NAA16: variants seen among roughly 807,000 people sequenced by gnomAD.
NAA16 encodes NARG1-like protein.
A neutral mutation model predicts 110.3 loss-of-function variants in NAA16; 97 were observed. The ratio of observed to expected loss-of-function variants is 0.88; its 90% CI spans 0.75 to 1.04. The LOEUF (loss-of-function observed/expected upper bound fraction) is 1.04, where lower values mean the gene tolerates loss of function less well. NAA16 is among the 50% of genes least tolerant of loss of function. The probability of loss-of-function intolerance (pLI) is 0.00; values close to 1 mark genes in which losing one functional copy is unlikely to be tolerated. For missense variants in NAA16, 1,017 were observed against 1,005.1 expected, an observed-to-expected ratio of 1.01 and a Z score of -0.16; for synonymous variants, 372 against 330.6, an observed-to-expected ratio of 1.13 and a Z score of -1.36.
chr13:41,335,796 A>G (rs1266919540), intron 8 of NAA16, among the ~76,000 whole-genome samples: 1 of 152,066 alleles, frequency 6.6e-6, no homozygotes, highest in Non-Finnish European at 1.5e-5. Flanking sequence ...TGATTCATTA[A>G]GAAACCATAG....
intron 4 of NAA16, 57 bp downstream of exon 4, chr13:41,320,881 T>A: frequency 6.8e-7 from 1 of 1,478,970 alleles, no homozygotes; most frequent in Non-Finnish European, 9.1e-7. Flanking sequence ...TTTAAGAGCG[T>A]GTCATTTCAG....
At chr13:41,365,267 T>C (rs988348470) in intron 13 of NAA16, among the ~76,000 whole-genome samples, 3 of 152,184 alleles carry the variant, frequency 2.0e-5, no homozygotes, top group Non-Finnish European at 4.4e-5. Flanking sequence ...CTTAGGGTAG[T>C]GGTTACATGA....
chr13:41,332,640 T>C (rs1231033734), intron 8 of NAA16, among the ~76,000 whole-genome samples: 3 of 152,208 alleles, frequency 2.0e-5, no homozygotes, highest in African/African-American at 7.2e-5. Flanking sequence ...GTATTTCTTT[T>C]GACACAAGTC....
intron 8 of NAA16, among the ~76,000 whole-genome samples, chr13:41,333,885 C>T (rs997428124): frequency 6.6e-6 from 1 of 151,578 alleles, no homozygotes; most frequent in East Asian, 1.9e-4. Context: ...TAAAGTGGAA[C>T]CATCCTAGAC....
intron 4 of NAA16, 138 bp downstream of exon 4, chr13:41,320,962 T>G (rs913885676): frequency 1.1e-4 from 77 of 704,614 alleles, no homozygotes; most frequent in Non-Finnish European, 2.2e-5. Context: ...GCTTGGGACC[T>G]TCCTTCTCAG....
intron 9 of NAA16, among the ~76,000 whole-genome samples, chr13:41,337,692 T>C (rs2042418496): frequency 6.6e-6 from 1 of 152,328 alleles, no homozygotes; most frequent in Non-Finnish European, 1.5e-5. Flanking sequence ...TTTTCTATAG[T>C]CAGTTTTTTA....
chr13:41,346,442 A>C (rs983552983), intron 9 of NAA16, among the ~76,000 whole-genome samples: 9 of 152,246 alleles, frequency 5.9e-5, no homozygotes, highest in South Asian at 2.1e-4. Flanking sequence ...ACAGTTTATC[A>C]CACAGGTCCT....
intron 5 of NAA16, 135 bp downstream of exon 5, chr13:41,323,325 G>T: frequency 2.6e-6 from 2 of 777,696 alleles, no homozygotes; most frequent in Non-Finnish European, 2.1e-6. Flanking sequence ...ATTGGAAACA[G>T]TTAAAATGTA....
intron 10 of NAA16, 38 bp downstream of exon 10, chr13:41,355,254 C>A: frequency 7.9e-7 from 1 of 1,260,740 alleles, no homozygotes. Flanking sequence ...TTTGATTACT[C>A]ATTTCATTTT....
Position 41,371,953 on chromosome 13 carries a change from T to C in NAA16, c.1948-250T>C, listed in dbSNP as rs149619958. ...ATCTCTTTAAGTCTGTGGAATAACT[T>C]TATGTATTTTTTTGTTTTTAATAAA... On this transcript the variant is annotated intron_variant, in intron 15 of 19. Coordinates refer to ENST00000379406, the MANE Select transcript of NAA16 (RefSeq NM_024561.5). 6.8e-3 allele frequency among the ~76,000 whole-genome samples: 1,041 copies of C among 152,342 alleles called. 14 individuals are homozygous for C. Among genetic ancestry groups the C allele is most frequent in the African/African-American group, 0.024 (992 of 41,588 alleles).
chr13:41,364,211 G>T (rs1361166890), intron 13 of NAA16, among the ~76,000 whole-genome samples: 1 of 152,052 alleles, frequency 6.6e-6, no homozygotes, highest in Non-Finnish European at 1.5e-5. Flanking sequence ...TAAATAGAAG[G>T]TTAGTGAATT....
intron 1 of NAA16, among the ~76,000 whole-genome samples, chr13:41,315,175 A>C (rs943636511): frequency 9.2e-5 from 14 of 152,166 alleles, no homozygotes; most frequent in African/African-American, 3.4e-4. Flanking sequence ...GTATTTGATA[A>C]AGTGGGCAAG....
intron 12 of NAA16, among the ~76,000 whole-genome samples, chr13:41,361,382 A>G (rs1471538063): frequency 6.6e-6 from 1 of 152,206 alleles, no homozygotes; most frequent in African/African-American, 2.4e-5. Context: ...TTACTAACAG[A>G]TTTGATAAAT....
intron 8 of NAA16, among the ~76,000 whole-genome samples, chr13:41,332,784 T>G (rs1047781271): frequency 2.9e-5 from 1 of 34,818 alleles, no homozygotes; most frequent in African/African-American, 1.6e-4. Flanking sequence ...TGATGAAAAT[T>G]AAAAATTTTT....
At chr13:41,322,776 CAA>C (rs538068302) in intron 4 of NAA16, among the ~76,000 whole-genome samples, 2 of 141,708 alleles carry the variant, frequency 1.4e-5, no homozygotes, top group African/African-American at 5.2e-5. Context: ...ATTTAGTTAC[CAA>C]AAAAAAAAAA....
chr13:41,326,585 A>G (rs2042098086), intron 6 of NAA16, among the ~76,000 whole-genome samples: 1 of 152,076 alleles, frequency 6.6e-6, no homozygotes, highest in Non-Finnish European at 1.5e-5. Context: ...TATTAACCCC[A>G]TTTTATAGTG....
intron 8 of NAA16, among the ~76,000 whole-genome samples, chr13:41,332,127 C>A (rs2042255254): frequency 6.6e-6 from 1 of 151,792 alleles, no homozygotes; most frequent in Admixed American, 6.6e-5. Context: ...TGCAGTGGCG[C>A]AATCACTGTA....
chr13:41,365,472 AT>A (rs1264099699), intron 13 of NAA16, among the ~76,000 whole-genome samples: 1 of 152,190 alleles, frequency 6.6e-6, no homozygotes, highest in Non-Finnish European at 1.5e-5. Context: ...ACCCGAGATT[AT>A]TTAGTTGTTT....
intron 8 of NAA16, among the ~76,000 whole-genome samples, chr13:41,332,120 A>T (rs1451357701): frequency 2.0e-5 from 3 of 152,092 alleles, no homozygotes; most frequent in Non-Finnish European, 4.4e-5. Flanking sequence ...GCTGGAGTGC[A>T]GTGGCGCAAT....
Sources: allele counts gnomAD v4.1 joint callset (sites outside exome capture counted in the v4.1 genomes callset), GRCh38; gene constraint gnomAD v4.1.1; transcripts MANE v1.5; gene names NCBI Gene and HGNC (gene_info 2026-07-23, HGNC 2026-07-21).